The following PACS2 variants were observed in gnomAD, a reference collection of about 807,000 sequenced individuals.
The protein encoded by PACS2 is phosphofurin acidic cluster sorting protein 2.
Under a neutral mutation model 113.0 loss-of-function variants are expected in PACS2, and 36 were observed. The observed-to-expected ratio is 0.32, with a 90% CI of 0.24 to 0.42. The LOEUF is 0.42. PACS2 is among the 10% of genes least tolerant of loss of function. PACS2 has a pLI of 1.00. For synonymous variants in PACS2, 589 were observed against 536.1 expected, an observed-to-expected ratio of 1.10 and a Z score of -1.36; for missense variants, 1,015 against 1,239.5, an observed-to-expected ratio of 0.82 and a Z score of 2.72.
At position 105,355,795 on chromosome 14, in the gene PACS2, G is replaced by A. The variant is rs782044306; in HGVS notation, c.423+618G>A. ...CGTTCCAAGGAGGCTGCAGTAGGGC[G>A]TGGGGGCCTGGGAGAAGACACCCCA... is the stretch of plus-strand genomic sequence containing the variant. On this transcript the variant is annotated intron_variant, in intron 4 of 24. Transcript: ENST00000447393. This position sits in a 1 kb window ranked among gnomAD's most constrained non-coding sequence, Gnocchi z 4.1. Among the ~76,000 whole-genome samples the A allele has an allele frequency of 2.6e-5, 4 of 152,256 alleles. No individual in the cohort carries two copies. Among genetic ancestry groups the A allele is most frequent in the South Asian group, 2.1e-4 (1 of 4,838 alleles).
chr14:105,348,265 G>A lies in PACS2; in HGVS notation c.120-228G>A, dbSNP rs1308385911. Among the ~76,000 whole-genome samples the A allele has an allele frequency of 1.3e-5, 2 of 152,202 alleles. No individual in the cohort carries two copies. Among genetic ancestry groups the A allele is most frequent in the Non-Finnish European group, 2.9e-5 (2 of 68,024 alleles). On this transcript the variant is annotated intron_variant, in intron 1 of 24. Coordinates refer to ENST00000447393, the MANE Select transcript of PACS2 (RefSeq NM_001100913.3). This position sits in a 1 kb window ranked among gnomAD's most constrained non-coding sequence, Gnocchi z 6.4. ...CACCCTCAGGGGCCTTCAGGAGATGGGACCTCTGGCCCGGCAGCCAACGGA... is the reference window on the plus strand; with the variant it reads ...CACCCTCAGGGGCCTTCAGGAGATGAGACCTCTGGCCCGGCAGCCAACGGA...
rs1555417192 is a variant in PACS2, at chr14:105,397,402, A to G, written c.*2730A>G. On this transcript the variant is annotated 3_prime_UTR_variant, in exon 25 of 25. Coordinates refer to ENST00000447393, the MANE Select transcript of PACS2 (RefSeq NM_001100913.3). ...GAGAACCTGGCCCTGGACTGGCCTC[A>G]CAGGACAGGAGGCAGCCCCTTGTAG... The G allele has an allele frequency of 2.6e-5, 4 of 152,170 alleles. No individual in the cohort carries two copies. Among genetic ancestry groups the G allele is most frequent in the Non-Finnish European group, 4.4e-5 (3 of 68,072 alleles). The allele number at this position is 152,170 out of a possible 1,614,324, so 9.4% of individuals were successfully genotyped here.
chr14:105,369,928 GC>G (rs1202637213), intron 8 of PACS2, 28 bp downstream of exon 8: 9 of 1,580,766 alleles, frequency 5.7e-6, no homozygotes, highest in African/African-American at 4.0e-5. Flanking sequence ...TCTGCTCGCG[GC>G]CCCCACGCCT....
At chr14:105,380,281 G>A in intron 11 of PACS2, 127 bp downstream of exon 11, 1 of 786,716 alleles carries the variant, frequency 1.3e-6, no homozygotes, top group South Asian at 1.7e-5. Context: ...GTGCAGAGGT[G>A]GGGTCAGCCC....
In PACS2 at chr14:105,367,354, G is replaced by C. The variant is rs781868356; in HGVS notation, c.565G>C (p.Gly189Arg). The C allele has an allele frequency of 6.2e-7, 1 of 1,613,264 alleles. No homozygotes were observed. The change falls in exon 5 of 25, where the codon GGC becomes CGC. Residue 189 changes from glycine to arginine, a missense_variant. By Grantham distance (125) the Gly-to-Arg change is moderately radical. Transcript: ENST00000447393. The part of the protein sequence containing the change: ...IDHEDSTMQA[G>R]PKAKSTDNYS... The stretch of plus-strand genomic sequence containing the variant: ...CCACGAAGACAGCACCATGCAGGCC[G>C]GCCCCAAGGCCAAGTCCACGGGTGA...
intron 7 of PACS2, 145 bp downstream of exon 7, chr14:105,368,684 T>G: frequency 1.5e-6 from 1 of 666,886 alleles, no homozygotes; most frequent in Non-Finnish European, 2.7e-6. Context: ...ACCCCCTGAT[T>G]GCCAGTCTCC....
rs367870997 is a variant in PACS2, at chr14:105,391,308, G to A, written c.2119+59G>A. The A allele has an allele frequency of 8.9e-5, 112 of 1,262,944 alleles. No individual in the cohort carries two copies. In the African/African-American group the frequency reaches 1.5e-3, roughly 17 times the overall value. The allele number at this position is 1,262,944 out of a possible 1,614,324, so 78.2% of individuals were successfully genotyped here. On this transcript the variant is annotated intron_variant, in intron 21 of 24. Coordinates refer to ENST00000447393, the MANE Select transcript of PACS2 (RefSeq NM_001100913.3). Reference sequence around the variant, plus strand: ...GCCCGTGGGTGGGCTGCAGGAGCACGGTCATTCGAGTCCTGCAGACCAGAT... The same window carrying A: ...GCCCGTGGGTGGGCTGCAGGAGCACAGTCATTCGAGTCCTGCAGACCAGAT...
rs782097730 is a variant in PACS2 at position 105,382,062 on chromosome 14, G to A, written c.1413+4G>A. 6.6e-7 allele frequency: 1 copy of A among 1,522,046 alleles called. No individual in the cohort carries two copies. The highest frequency in any genetic ancestry group is 8.7e-7 in the Non-Finnish European group (1 of 1,145,816). 94.3% of individuals were successfully genotyped at this position (1,522,046 alleles called of 1,614,324 possible). A position where few individuals can be genotyped will look rare whatever the true frequency, so the allele number is the denominator to read the frequency against. ...CCAGCTACAGGTGCAGCTGCAGGTG[G>A]GGGTGGAGGGCGTGGCACGCCCAGG... On this transcript the variant is annotated splice_donor_region_variant and intron_variant, in intron 13 of 24. Coordinates refer to ENST00000447393, the MANE Select transcript of PACS2 (RefSeq NM_001100913.3).
rs1050127384 is a variant in PACS2, at chr14:105,329,606, G to A, written c.119+14569G>A. Among the ~76,000 whole-genome samples, 1 of 152,168 alleles carries A rather than the reference G, an allele frequency of 6.6e-6. No homozygotes were observed. The highest frequency in any genetic ancestry group is 2.4e-5 in the African/African-American group (1 of 41,444). On this transcript the variant is annotated intron_variant, in intron 1 of 24. Transcript: ENST00000447393. This position sits in a 1 kb window ranked among gnomAD's most constrained non-coding sequence, Gnocchi z 6.4. ...ACCGCTCTGGTGTCAGCCAAGTGGCGGGCACCTTCTGGGCTTGGGGGCGGG... is the reference window on the plus strand; with the variant it reads ...ACCGCTCTGGTGTCAGCCAAGTGGCAGGCACCTTCTGGGCTTGGGGGCGGG...
chr14:105,367,552 C>T (rs1286679468), intron 5 of PACS2, among the ~76,000 whole-genome samples, 177 bp downstream of exon 5: 7 of 152,252 alleles, frequency 4.6e-5, no homozygotes, highest in South Asian at 4.1e-4. Flanking sequence ...TTGTAGGGTC[C>T]GGGCTGCCAC....
At position 105,349,947 on chromosome 14, in the gene PACS2, G is replaced by T. The variant is rs587715207; in HGVS notation, c.207+1367G>T. 1.2e-4 allele frequency among the ~76,000 whole-genome samples: 18 copies of T among 151,832 alleles called. No homozygotes were observed. The South Asian group carries it at 3.1e-3, about 26-fold the overall frequency. ...AATGCAGGACCCCGAGAACTTCCAG[G>T]AGAGCGTGGCTAATAGCAGGACCCC... On this transcript the variant is annotated intron_variant, in intron 2 of 24. Transcript: ENST00000447393.
At position 105,384,893 on chromosome 14, in the gene PACS2, G is replaced by T; in HGVS notation, c.1906G>T (p.Asp636Tyr). The T allele has an allele frequency of 6.3e-7, 1 of 1,589,452 alleles. No individual in the cohort carries two copies. The highest frequency in any genetic ancestry group is 8.6e-7 in the Non-Finnish European group (1 of 1,167,336). The change falls in exon 18 of 25, where the codon GAC (aspartate) becomes TAC (tyrosine). Residue 636 changes from aspartate to tyrosine, a missense_variant. Around this residue, in one of 3 missense-constraint regions of PACS2, gnomAD observed 859 missense variants for 1,056.8 expected, o/e 0.81. Coordinates refer to ENST00000447393, the MANE Select transcript of PACS2 (RefSeq NM_001100913.3). ...EAQSAVQDTP[D>Y]IVSRITQYIA... Reference sequence around the variant, plus strand: ...TCCCCCTGCAGTACAGGACACGCCAGACATTGTGTCACGCATCACGCAGTA... The same window carrying T: ...TCCCCCTGCAGTACAGGACACGCCATACATTGTGTCACGCATCACGCAGTA...
At chr14:105,350,614 G>A (rs1372222648) in intron 2 of PACS2, among the ~76,000 whole-genome samples, 4 of 151,786 alleles carry the variant, frequency 2.6e-5, no homozygotes, top group Non-Finnish European at 4.4e-5. Context: ...TGTCCTCTCC[G>A]CCCAGGCCCC....
At chr14:105,385,344 C>T (rs1267264264) in intron 18 of PACS2, among the ~76,000 whole-genome samples, 3 of 152,328 alleles carry the variant, frequency 2.0e-5, no homozygotes, top group Admixed American at 1.3e-4. Context: ...GGCTGGGGAA[C>T]GAAGGATTCC....
At chr14:105,307,734 T>C (rs1033583929) in intron 1 of PACS2, among the ~76,000 whole-genome samples, 1 of 152,206 alleles carries the variant, frequency 6.6e-6, no homozygotes, top group Admixed American at 6.5e-5. Context: ...CTCATCTGCA[T>C]AACAGGGATA....
At position 105,358,302 on chromosome 14, in the gene PACS2, C is replaced by T. The variant is rs1199861755; in HGVS notation, c.423+3125C>T. On this transcript the variant is annotated intron_variant, in intron 4 of 24. Coordinates refer to ENST00000447393, the MANE Select transcript of PACS2 (RefSeq NM_001100913.3). The surrounding 1 kb of genome is among the most constrained non-coding windows in gnomAD (Gnocchi z 4.9). ...GACCAGCAGTTCTGGCTGGGACCAT[C>T]AGGAGTGACCGCAGCCCCAGGGCCT... Among the ~76,000 whole-genome samples, 1 of 152,212 alleles carries T rather than the reference C, an allele frequency of 6.6e-6. No individual in the cohort carries two copies. The highest frequency in any genetic ancestry group is 2.4e-5 in the African/African-American group (1 of 41,448).
intron 1 of PACS2, among the ~76,000 whole-genome samples, chr14:105,307,622 G>A (rs1483307640): frequency 6.6e-6 from 1 of 152,182 alleles, no homozygotes; most frequent in Admixed American, 6.5e-5. Context: ...CCATGCAGCA[G>A]TCAGCAGGGG....
chr14:105,367,179 T>C (rs781887951), intron 4 of PACS2, 34 bp from the exon 5 acceptor site: 8 of 1,600,266 alleles, frequency 5.0e-6, no homozygotes, highest in African/African-American at 4.0e-5. Context: ...CTTCCCGTCG[T>C]GCTGCTTTCT....
At chr14:105,353,102 A>G (rs1197806703) in intron 3 of PACS2, among the ~76,000 whole-genome samples, 1 of 43,400 alleles carries the variant, frequency 2.3e-5, no homozygotes, top group Admixed American at 3.2e-4. Flanking sequence ...CCCCCCCATC[A>G]CTGTCCCCTG....
Sources: gnomAD v4.1 joint callset for allele counts (sites outside exome capture counted in the v4.1 genomes callset) on GRCh38, gnomAD v4.1.1 for gene constraint, gnomAD v4.1.1 regional missense constraint, Gnocchi (gnomAD v3.1) non-coding constraint, MANE v1.5 for transcripts, NCBI Gene and HGNC (gene_info 2026-07-23, HGNC 2026-07-21) for gene names.